Variants in MAD1L1 observed in about 807,000 individuals in gnomAD.
MAD1L1 encodes the protein mitotic spindle assembly checkpoint protein MAD1.
In MAD1L1, 95 loss-of-function variants were observed where a neutral mutation model predicts 96.9. That is an observed-to-expected ratio of 0.98 (90% CI 0.83 to 1.16). MAD1L1 has a LOEUF of 1.16. Among genes scored for constraint, MAD1L1 ranks in the 50% most tolerant of loss-of-function variants. The probability of loss-of-function intolerance (pLI) is 0.00; values close to 1 mark genes in which losing one functional copy is unlikely to be tolerated. For missense variants in MAD1L1, 1,007 were observed against 954.4 expected, an observed-to-expected ratio of 1.06 and a Z score of -0.73; for synonymous variants, 473 against 396.6, an observed-to-expected ratio of 1.19 and a Z score of -2.29.
At chr7:1,883,729 C>G (rs961328995) in intron 18 of MAD1L1, among the ~76,000 whole-genome samples, 1 of 152,214 alleles carries the variant, frequency 6.6e-6, no homozygotes, top group Non-Finnish European at 1.5e-5. Flanking sequence ...GGTGCAGGTC[C>G]AGGCTCAGAG....
At position 2,085,061 on chromosome 7, in the gene MAD1L1, C is replaced by T. The variant is rs554678650; in HGVS notation, c.1074-15723G>A. Among the ~76,000 whole-genome samples the T allele has an allele frequency of 3.3e-5, 5 of 152,282 alleles. No individual in the cohort carries two copies. The South Asian group carries it at 1.0e-3, about 32-fold the overall frequency. ...GACATCAGAGAGCCTGCTAAAGGGCCAGCAGTCAGTGATGAGCAAGAATTC... is the reference window on the plus strand; with the variant it reads ...GACATCAGAGAGCCTGCTAAAGGGCTAGCAGTCAGTGATGAGCAAGAATTC... On this transcript the variant is annotated intron_variant, in intron 11 of 18. Coordinates refer to ENST00000265854, the MANE Select transcript of MAD1L1 (RefSeq NM_001013836.2).
chr7:2,088,349 C>T lies in MAD1L1; in HGVS notation c.1074-19011G>A, dbSNP rs745475681. Among the ~76,000 whole-genome samples the T allele has an allele frequency of 6.6e-5, 10 of 152,310 alleles. No homozygotes were observed. The highest frequency in any genetic ancestry group is 1.3e-4 in the Admixed American group (2 of 15,302). On this transcript the variant is annotated intron_variant, in intron 11 of 18. Transcript: ENST00000265854. This position sits in a 1 kb window ranked among gnomAD's most constrained non-coding sequence, Gnocchi z 4.4. ...CGGTGGTCTCGTGCTACCCTGGTTC[C>T]GTGTCGGCGCCAGCCCTCCAACCTT...
intron 4 of MAD1L1, among the ~76,000 whole-genome samples, chr7:2,225,011 G>A (rs777772276): frequency 6.6e-6 from 1 of 152,198 alleles, no homozygotes; most frequent in Admixed American, 6.5e-5. Context: ...AGGAAACCAG[G>A]AGACCCAGCA....
intron 16 of MAD1L1, among the ~76,000 whole-genome samples, chr7:1,951,348 G>A (rs1441943280): frequency 1.3e-5 from 2 of 152,252 alleles, no homozygotes; most frequent in East Asian, 1.9e-4. Context: ...CAGGGTTGGA[G>A]TAGTCACCTC....
chr7:1,981,623 A>ATTC (rs1297406720), intron 14 of MAD1L1, among the ~76,000 whole-genome samples: 4 of 152,060 alleles, frequency 2.6e-5, no homozygotes, highest in East Asian at 3.9e-4. Flanking sequence ...CGAAGGGAGG[A>ATTC]GGAAGGGCAG....
intron 12 of MAD1L1, among the ~76,000 whole-genome samples, chr7:2,061,719 C>T (rs1401813521): frequency 2.6e-5 from 4 of 152,252 alleles, no homozygotes; most frequent in Non-Finnish European, 4.4e-5. Flanking sequence ...AAAACGTCCA[C>T]GTCAGCAAGA....
At chr7:2,047,997 A>G (rs555121604) in intron 12 of MAD1L1, among the ~76,000 whole-genome samples, 1 of 152,374 alleles carries the variant, frequency 6.6e-6, no homozygotes, top group Non-Finnish European at 1.5e-5. Context: ...GAACTCACAC[A>G]GCACAACATA....
chr7:1,842,051 T>C (rs755780039), intron 18 of MAD1L1, among the ~76,000 whole-genome samples: 5 of 152,244 alleles, frequency 3.3e-5, no homozygotes, highest in Non-Finnish European at 5.9e-5. Flanking sequence ...GCCTTGTTTT[T>C]CGTCTTTGGC....
At chr7:2,094,645 G>A (rs1052336555) in intron 11 of MAD1L1, among the ~76,000 whole-genome samples, 1 of 152,210 alleles carries the variant, frequency 6.6e-6, no homozygotes, top group African/African-American at 2.4e-5. Context: ...CAAAGGCCCT[G>A]GGGCAGGAGC....
intron 11 of MAD1L1, among the ~76,000 whole-genome samples, chr7:2,110,811 A>T (rs922721926): frequency 2.0e-5 from 3 of 152,172 alleles, no homozygotes; most frequent in African/African-American, 4.8e-5. Flanking sequence ...GTGCACGCCC[A>T]TAAGAAGCGC....
intron 16 of MAD1L1, among the ~76,000 whole-genome samples, chr7:1,942,193 C>T (rs1779033127): frequency 1.3e-5 from 2 of 152,348 alleles, no homozygotes; most frequent in South Asian, 4.1e-4. Context: ...AGCTGCCACT[C>T]ATGGTGGGAG....
chr7:2,190,661 A>G (rs1001511365), intron 10 of MAD1L1, among the ~76,000 whole-genome samples: 1 of 152,226 alleles, frequency 6.6e-6, no homozygotes, highest in African/African-American at 2.4e-5. Flanking sequence ...GACACTTCAC[A>G]AAAGAAGATA....
At chr7:2,130,577 C>T (rs1788465300) in intron 11 of MAD1L1, among the ~76,000 whole-genome samples, 1 of 152,188 alleles carries the variant, frequency 6.6e-6, no homozygotes, top group South Asian at 2.1e-4. Flanking sequence ...TGTGTCCTAT[C>T]ACTCCTACTT....
intron 18 of MAD1L1, among the ~76,000 whole-genome samples, chr7:1,822,444 T>TATA (rs1562425913): frequency 3.4e-5 from 3 of 86,996 alleles, no homozygotes; most frequent in East Asian, 7.1e-4. Flanking sequence ...ATATATATAT[T>TATA]TTTTTTTTTT....
chr7:1,834,056 A>C (rs1051297624), intron 18 of MAD1L1, among the ~76,000 whole-genome samples: 1 of 152,242 alleles, frequency 6.6e-6, no homozygotes, highest in Non-Finnish European at 1.5e-5. Context: ...AAAAATGTGG[A>C]AACTAACACA....
rs11981201 is a variant in MAD1L1, at chr7:1,985,606, C to G, written c.1417-5065G>C. ...ACAGCGAAGCCGCCATCCTCATGTT[C>G]TCTCCTCCCTCTGCCATCCTGACAC... On this transcript the variant is annotated intron_variant, in intron 14 of 18. Coordinates refer to ENST00000265854, the MANE Select transcript of MAD1L1 (RefSeq NM_001013836.2). Among the ~76,000 whole-genome samples the G allele has an allele frequency of 2.7e-3, 411 of 152,356 alleles. 2 individuals are homozygous for G. The highest frequency in any genetic ancestry group is 9.4e-3 in the African/African-American group (389 of 41,586).
chr7:1,854,605 C>T (rs1345279323), intron 18 of MAD1L1, among the ~76,000 whole-genome samples: 2 of 152,244 alleles, frequency 1.3e-5, no homozygotes, highest in East Asian at 1.9e-4. Flanking sequence ...CAGCACCTCC[C>T]GAAGACCCCG....
chr7:1,851,025 G>A (rs924427087), intron 18 of MAD1L1, among the ~76,000 whole-genome samples: 4 of 152,226 alleles, frequency 2.6e-5, no homozygotes, highest in Non-Finnish European at 5.9e-5. Flanking sequence ...GTGACCCTGC[G>A]TCCACCGTGG....
At chr7:2,139,717 C>A (rs2128573534) in intron 11 of MAD1L1, among the ~76,000 whole-genome samples, 1 of 152,314 alleles carries the variant, frequency 6.6e-6, no homozygotes, top group African/African-American at 2.4e-5. Flanking sequence ...TCGGCAGACC[C>A]CCGTCCAGAT....
Sources: gnomAD v4.1 joint callset for allele counts (sites outside exome capture counted in the v4.1 genomes callset) on GRCh38, gnomAD v4.1.1 for gene constraint, Gnocchi (gnomAD v3.1) non-coding constraint, MANE v1.5 for transcripts, NCBI Gene and HGNC (gene_info 2026-07-23, HGNC 2026-07-21) for gene names.